GAN: variants seen among roughly 807,000 people sequenced by gnomAD.
GAN encodes epididymis secretory sperm binding protein.
A neutral mutation model predicts 71.3 loss-of-function variants in GAN; 48 were observed. That is an observed-to-expected ratio of 0.67 (90% CI 0.53 to 0.86). The LOEUF (loss-of-function observed/expected upper bound fraction) is 0.86, where lower values mean the gene tolerates loss of function less well. Ranked by LOEUF, GAN falls within the 40% of genes least tolerant of loss-of-function variation. The pLI, the probability that GAN is intolerant of heterozygous loss-of-function variation, is 0.00. For missense variants in GAN, 928 were observed against 770.1 expected, an observed-to-expected ratio of 1.21 and a Z score of -2.43; for synonymous variants, 386 against 276.8, an observed-to-expected ratio of 1.39 and a Z score of -3.92.
At chr16:81,329,190 CT>C (rs1909489677) in intron 1 of GAN, among the ~76,000 whole-genome samples, 1 of 150,950 alleles carries the variant, frequency 6.6e-6, no homozygotes, top group Admixed American at 6.6e-5. Context: ...TTTTTTTTTC[CT>C]TCTCTCCTGG....
chr16:81,350,518 ATT>A (rs11430822), intron 1 of GAN, among the ~76,000 whole-genome samples: 74 of 145,176 alleles, frequency 5.1e-4, no homozygotes, highest in East Asian at 4.0e-4. Flanking sequence ...TACTTACTTA[ATT>A]TTTTTTTTTT....
At chr16:81,338,061 A>G (rs1443061491) in intron 1 of GAN, among the ~76,000 whole-genome samples, 1 of 152,202 alleles carries the variant, frequency 6.6e-6, no homozygotes, top group African/African-American at 2.4e-5. Flanking sequence ...TTCTGTTTAC[A>G]GATCAGCAGA....
chr16:81,332,623 T>C (rs139624071), intron 1 of GAN, among the ~76,000 whole-genome samples: 1 of 152,300 alleles, frequency 6.6e-6, no homozygotes, highest in Non-Finnish European at 1.5e-5. Flanking sequence ...TGCCTTCCCT[T>C]GTACATAGCA....
chr16:81,356,668 C>T (rs1260917434), intron 3 of GAN, 117 bp from the exon 4 acceptor site: 2 of 797,454 alleles, frequency 2.5e-6, no homozygotes, highest in African/African-American at 1.7e-5. Flanking sequence ...TCTCACTTGC[C>T]TGGTAATAAC....
At chr16:81,320,262 C>G (rs1909182432) in intron 1 of GAN, among the ~76,000 whole-genome samples, 1 of 152,182 alleles carries the variant, frequency 6.6e-6, no homozygotes, top group Non-Finnish European at 1.5e-5. Flanking sequence ...TTTTGAATAT[C>G]TGAAACATAC....
intron 1 of GAN, among the ~76,000 whole-genome samples, chr16:81,349,267 G>A (rs1436033755): frequency 6.6e-6 from 1 of 152,064 alleles, no homozygotes; most frequent in Non-Finnish European, 1.5e-5. Flanking sequence ...TCCAATTCAG[G>A]TTGAGTCTCG....
intron 5 of GAN, among the ~76,000 whole-genome samples, chr16:81,361,657 C>G (rs1229347472): frequency 1.3e-5 from 2 of 152,140 alleles, no homozygotes; most frequent in Admixed American, 6.5e-5. Context: ...TCAGTTTTGC[C>G]TTGTTATCTT....
chr16:81,368,550 C>T (rs769261581), intron 9 of GAN, among the ~76,000 whole-genome samples: 4 of 152,180 alleles, frequency 2.6e-5, no homozygotes, highest in Non-Finnish European at 4.4e-5. Context: ...GTGGAAGCTG[C>T]AGTAGACCAT....
At chr16:81,355,343 G>A (rs1910451053) in intron 3 of GAN, among the ~76,000 whole-genome samples, 1 of 152,172 alleles carries the variant, frequency 6.6e-6, no homozygotes, top group East Asian at 1.9e-4. Context: ...GGAGGAAGGA[G>A]CAAAATCACA....
At chr16:81,339,555 G>A (rs571304954) in intron 1 of GAN, among the ~76,000 whole-genome samples, 1 of 152,326 alleles carries the variant, frequency 6.6e-6, no homozygotes, top group East Asian at 1.9e-4. Flanking sequence ...GAGGGCTCCA[G>A]CCTCAAGGAA....
chr16:81,328,072 T>G (rs1909447152), intron 1 of GAN, among the ~76,000 whole-genome samples: 1 of 152,224 alleles, frequency 6.6e-6, no homozygotes, highest in Admixed American at 6.5e-5. Flanking sequence ...TCTTAAAATT[T>G]TAACATGCAT....
intron 1 of GAN, among the ~76,000 whole-genome samples, chr16:81,327,418 G>A (rs867755754): frequency 1.4e-4 from 22 of 152,202 alleles, no homozygotes; most frequent in South Asian, 4.1e-4. Flanking sequence ...GGGTGTACTG[G>A]AGGCTGTAGT....
At chr16:81,343,770 C>A (rs536504065) in intron 1 of GAN, among the ~76,000 whole-genome samples, 1 of 152,284 alleles carries the variant, frequency 6.6e-6, no homozygotes, top group East Asian at 1.9e-4. Flanking sequence ...CCGGCCAGAG[C>A]AATCAGGCAA....
At chr16:81,344,049 TTACAAGGGATG>T (rs1910035424) in intron 1 of GAN, among the ~76,000 whole-genome samples, 1 of 152,198 alleles carries the variant, frequency 6.6e-6, no homozygotes, top group South Asian at 2.1e-4. Flanking sequence ...GGAATACAAC[TTACAAGGGATG>T]TGAAGGACCT....
At chr16:81,326,968 A>T (rs541184492) in intron 1 of GAN, among the ~76,000 whole-genome samples, 53 of 152,258 alleles carry the variant, frequency 3.5e-4, no homozygotes, top group Non-Finnish European at 5.7e-4. Flanking sequence ...AGTAAGGTTG[A>T]ACTTTCTGCC....
rs879254001 is a variant in GAN at position 81,354,757 on chromosome 16, T to C, written c.633+2T>C. The C allele has an allele frequency of 6.6e-7, 1 of 1,522,092 alleles. No homozygotes were observed. Among genetic ancestry groups the C allele is most frequent in the Non-Finnish European group, 9.1e-7 (1 of 1,096,380 alleles). 94.3% of individuals were successfully genotyped at this position (1,522,092 alleles called of 1,614,324 possible). On this transcript the variant is annotated splice_donor_variant, in intron 3 of 10. Coordinates refer to ENST00000648994, the MANE Select transcript of GAN (RefSeq NM_022041.4). LOFTEE classifies it high-confidence loss of function. ...GCACATGATACAGAAATAAGAAAGG[T>C]ACCTGTCATTTATAACATGGTCAAA...
chr16:81,322,625 T>G (rs1423520500), intron 1 of GAN, among the ~76,000 whole-genome samples: 1 of 152,246 alleles, frequency 6.6e-6, no homozygotes, highest in Non-Finnish European at 1.5e-5. Context: ...TTGTTTATGT[T>G]TTTAAGAACA....
chr16:81,340,615 C>G (rs554496571), intron 1 of GAN, among the ~76,000 whole-genome samples: 2 of 152,136 alleles, frequency 1.3e-5, no homozygotes, highest in South Asian at 2.1e-4. Flanking sequence ...ACATCCACAC[C>G]AAAACCCCAC....
At chr16:81,355,495 C>G (rs1910457187) in intron 3 of GAN, among the ~76,000 whole-genome samples, 7 of 152,148 alleles carry the variant, frequency 4.6e-5, no homozygotes, top group Admixed American at 3.9e-4. Context: ...CTCCGAGTAG[C>G]TAGGACCACA....
Sources: allele counts gnomAD v4.1 joint callset (sites outside exome capture counted in the v4.1 genomes callset), GRCh38; gene constraint gnomAD v4.1.1; transcripts MANE v1.5; gene names NCBI Gene and HGNC (gene_info 2026-07-23, HGNC 2026-07-21).